Variants in PLXDC2 observed in about 807,000 individuals in gnomAD.
PLXDC2 encodes plexin domain-containing protein 2.
A neutral mutation model predicts 68.9 loss-of-function variants in PLXDC2; 40 were observed. The observed-to-expected ratio is 0.58, with a 90% CI of 0.45 to 0.76. The LOEUF (loss-of-function observed/expected upper bound fraction) is 0.76, where lower values mean the gene tolerates loss of function less well. Among genes scored for constraint, PLXDC2 ranks in the 30% least tolerant of loss-of-function variants. The pLI is 0.00. For missense variants in PLXDC2, 644 were observed against 661.9 expected, an observed-to-expected ratio of 0.97 and a Z score of 0.30; for synonymous variants, 243 against 234.2, an observed-to-expected ratio of 1.04 and a Z score of -0.34.
chr10:19,831,133 A>G (rs542596522), intron 1 of PLXDC2, among the ~76,000 whole-genome samples: 7 of 152,338 alleles, frequency 4.6e-5, no homozygotes, highest in Admixed American at 1.3e-4. Context: ...ATCAATGACC[A>G]TTAAAATGAT....
chr10:20,009,795 C>T (rs758233103), intron 2 of PLXDC2, among the ~76,000 whole-genome samples: 13 of 149,914 alleles, frequency 8.7e-5, no homozygotes, highest in African/African-American at 1.5e-4. Context: ...TCATTGTGTA[C>T]GACACTAAGG....
intron 2 of PLXDC2, among the ~76,000 whole-genome samples, chr10:20,009,072 A>G (rs1257580499): frequency 6.6e-6 from 1 of 152,210 alleles, no homozygotes; most frequent in East Asian, 1.9e-4. Flanking sequence ...CCTCTTCTAT[A>G]TTTTAAGCCT....
At chr10:20,207,309 A>G (rs1835006334) in intron 9 of PLXDC2, among the ~76,000 whole-genome samples, 1 of 152,218 alleles carries the variant, frequency 6.6e-6, no homozygotes, top group African/African-American at 2.4e-5. Context: ...AAATCAAACA[A>G]ACTGCATTTC....
chr10:20,105,341 T>C (rs1833478096), intron 4 of PLXDC2, among the ~76,000 whole-genome samples: 1 of 152,220 alleles, frequency 6.6e-6, no homozygotes, highest in South Asian at 2.1e-4. Flanking sequence ...TACAATGTCA[T>C]TTCCATGGAA....
chr10:20,244,401 A>C (rs1032906239), intron 12 of PLXDC2, among the ~76,000 whole-genome samples: 1 of 152,214 alleles, frequency 6.6e-6, no homozygotes, highest in Admixed American at 6.5e-5. Context: ...TACAGTGGAA[A>C]GCATCTCAGT....
In PLXDC2 at chr10:20,282,632, C is replaced by A. The variant is rs1836096410; in HGVS notation, c.*2813C>A. 6.6e-6 allele frequency: 1 copy of A among 152,064 alleles called. No homozygotes were observed. The highest frequency in any genetic ancestry group is 2.4e-5 in the African/African-American group (1 of 41,400). The allele number at this position is 152,064 out of a possible 1,614,324, so 9.4% of individuals were successfully genotyped here. On this transcript the variant is annotated 3_prime_UTR_variant, in exon 14 of 14. Coordinates refer to ENST00000377252, the MANE Select transcript of PLXDC2 (RefSeq NM_032812.9). ...AGTGTTCCATTATTGGAACGCTAAG[C>A]TTATGGGAGTTATTTAGAGCCTACT... is the stretch of plus-strand genomic sequence containing the variant.
Position 19,823,398 on chromosome 10 carries a change from C to T in PLXDC2, c.112+6207C>T, listed in dbSNP as rs560086860. 9.2e-4 allele frequency among the ~76,000 whole-genome samples: 139 copies of T among 151,900 alleles called. 1 individual carries two copies. Among genetic ancestry groups the T allele is most frequent in the African/African-American group, 3.2e-3 (134 of 41,414 alleles). On this transcript the variant is annotated intron_variant, in intron 1 of 13. Coordinates refer to ENST00000377252, the MANE Select transcript of PLXDC2 (RefSeq NM_032812.9). ...GAAGGAGGCTGTAAAAATATTGTCT[C>T]GGCTGGGCGTGGTGGCTCACACCTG... is the stretch of plus-strand genomic sequence containing the variant.
chr10:20,246,286 G>T (rs1835594109), intron 13 of PLXDC2, among the ~76,000 whole-genome samples: 1 of 152,230 alleles, frequency 6.6e-6, no homozygotes, highest in East Asian at 1.9e-4. Context: ...CTGTGTGTCT[G>T]TGTGACGAAG....
rs144603247 is a variant in PLXDC2 at position 19,856,155 on chromosome 10, G to C, written c.112+38964G>C. 3.6e-3 allele frequency among the ~76,000 whole-genome samples: 551 copies of C among 152,172 alleles called. 6 individuals are homozygous for C. The highest frequency in any genetic ancestry group is 0.012 in the African/African-American group (517 of 41,540). On this transcript the variant is annotated intron_variant, in intron 1 of 13. Transcript: ENST00000377252. ...TGCTATTTAAAAACTGGGTATGTCA[G>C]ATTTTATAAATCAGAGGTATTTTGT...
At position 19,867,689 on chromosome 10, in the gene PLXDC2, G is replaced by T. The variant is rs143188394; in HGVS notation, c.112+50498G>T. On this transcript the variant is annotated intron_variant, in intron 1 of 13. Transcript: ENST00000377252. ...TTCTAGAGGCCACTCACAAACTGGG[G>T]CTCATGGCCTTCTTCCATATTCAGA... Among the ~76,000 whole-genome samples, 533 of 152,128 alleles carry T rather than the reference G, an allele frequency of 3.5e-3. 3 individuals carry two copies. The highest frequency in any genetic ancestry group is 5.6e-3 in the Non-Finnish European group (381 of 68,012).
intron 1 of PLXDC2, among the ~76,000 whole-genome samples, chr10:19,866,128 T>C (rs912580511): frequency 9.8e-5 from 15 of 152,342 alleles, no homozygotes; most frequent in African/African-American, 2.6e-4. Flanking sequence ...AAATTAGATG[T>C]ATTTTTTGGG....
At chr10:20,064,998 G>GT (rs1288298344) in intron 3 of PLXDC2, among the ~76,000 whole-genome samples, 1 of 151,924 alleles carries the variant, frequency 6.6e-6, no homozygotes, top group Non-Finnish European at 1.5e-5. Context: ...ACCTGCTATT[G>GT]TTTTTTTCTC....
chr10:20,271,552 C>T (rs1835941059), intron 13 of PLXDC2, among the ~76,000 whole-genome samples: 1 of 152,076 alleles, frequency 6.6e-6, no homozygotes, highest in South Asian at 2.1e-4. Context: ...GAACATGTGA[C>T]TTTTTTCTCC....
chr10:20,241,018 G>A (rs988029340), intron 12 of PLXDC2, among the ~76,000 whole-genome samples: 13 of 151,968 alleles, frequency 8.6e-5, no homozygotes, highest in African/African-American at 2.4e-4. Flanking sequence ...TAAAATAATC[G>A]TCATCCAAAA....
intron 6 of PLXDC2, among the ~76,000 whole-genome samples, chr10:20,159,357 C>T (rs12356363): frequency 0.079 from 12,029 of 152,152 alleles, 664 homozygotes; most frequent in Middle Eastern, 0.14. Context: ...TTTTGTCCCT[C>T]GCTGTCTTTA....
At chr10:19,904,600 A>T (rs1838210692) in intron 1 of PLXDC2, among the ~76,000 whole-genome samples, 1 of 152,118 alleles carries the variant, frequency 6.6e-6, no homozygotes, top group Non-Finnish European at 1.5e-5. Context: ...ATAGTTTTTC[A>T]GTGTCTCATG....
intron 1 of PLXDC2, among the ~76,000 whole-genome samples, chr10:19,967,760 A>G (rs1482295975): frequency 6.6e-6 from 1 of 152,210 alleles, no homozygotes; most frequent in Non-Finnish European, 1.5e-5. Context: ...AGAAAACAGT[A>G]AAAAATCAGA....
intron 12 of PLXDC2, among the ~76,000 whole-genome samples, chr10:20,237,928 G>GT (rs1161957467): frequency 1.3e-4 from 20 of 152,102 alleles, no homozygotes; most frequent in African/African-American, 4.8e-4. Context: ...TTCTATTTTA[G>GT]TTTTTTCTTT....
At chr10:20,255,515 A>C (rs1835731954) in intron 13 of PLXDC2, among the ~76,000 whole-genome samples, 1 of 152,160 alleles carries the variant, frequency 6.6e-6, no homozygotes, top group African/African-American at 2.4e-5. Flanking sequence ...TAAAAACTTT[A>C]ATTTTAGCAA....
Sources: allele counts gnomAD v4.1 joint callset (sites outside exome capture counted in the v4.1 genomes callset), GRCh38; gene constraint gnomAD v4.1.1; transcripts MANE v1.5; gene names NCBI Gene and HGNC (gene_info 2026-07-23, HGNC 2026-07-21).